MRPS9: variants seen among roughly 807,000 people sequenced by gnomAD.
MRPS9 encodes the protein mitochondrial ribosomal protein S9, also known as small ribosomal subunit protein uS9m.
In MRPS9, 45 loss-of-function variants were observed where a neutral mutation model predicts 59.9. The ratio of observed to expected loss-of-function variants is 0.75; its 90% CI spans 0.59 to 0.96. MRPS9 has a LOEUF of 0.96. MRPS9 is among the 40% of genes least tolerant of loss of function. The pLI, the probability that MRPS9 is intolerant of heterozygous loss-of-function variation, is 0.00. For synonymous variants in MRPS9, 171 were observed against 166.8 expected (o/e 1.03, Z -0.19); for missense variants, 473 against 481.1 (o/e 0.98, Z 0.16).
chr2:105,053,528 TA>T (rs1460538266), intron 2 of MRPS9, among the ~76,000 whole-genome samples: 2 of 151,696 alleles, frequency 1.3e-5, no homozygotes, highest in Non-Finnish European at 2.9e-5. Context: ...TTTCATATAT[TA>T]AAATATCTTT....
intron 2 of MRPS9, among the ~76,000 whole-genome samples, chr2:105,060,927 C>T (rs1433449429): frequency 2.6e-5 from 4 of 151,234 alleles, no homozygotes; most frequent in Non-Finnish European, 5.9e-5. Flanking sequence ...CTGGCTAACA[C>T]CGTGAAACCC....
intron 1 of MRPS9, among the ~76,000 whole-genome samples, chr2:105,047,364 T>C (rs982799116): frequency 2.0e-5 from 3 of 151,892 alleles, no homozygotes; most frequent in Middle Eastern, 3.4e-3. Flanking sequence ...TAAAAACATA[T>C]ATTTTTTTCA....
In MRPS9 at chr2:105,053,244, A is replaced by G. The variant is rs528057400; in HGVS notation, c.315+3894A>G. ...TGCTTGGATGTTTACCCAGAATATT[A>G]GTTTGGGATGTTAATATTATTTTCA... On this transcript the variant is annotated intron_variant, in intron 2 of 10. Coordinates refer to ENST00000258455, the MANE Select transcript of MRPS9 (RefSeq NM_182640.3). Among the ~76,000 whole-genome samples the G allele has an allele frequency of 1.4e-4, 22 of 152,296 alleles. 1 individual carries two copies. The highest frequency in any genetic ancestry group is 5.1e-4 in the African/African-American group (21 of 41,562).
At chr2:105,052,378 AT>A in intron 2 of MRPS9, among the ~76,000 whole-genome samples, 1 of 151,838 alleles carries the variant, frequency 6.6e-6, no homozygotes, top group East Asian at 1.9e-4. Flanking sequence ...ATGCTTTTCC[AT>A]TTTGATGATG....
At chr2:105,045,887 CAG>C (rs1679582762) in intron 1 of MRPS9, among the ~76,000 whole-genome samples, 2 of 151,976 alleles carry the variant, frequency 1.3e-5, no homozygotes, top group South Asian at 2.1e-4. Flanking sequence ...CTTTGGGAGA[CAG>C]AGTCTCCCTC....
intron 5 of MRPS9, 113 bp from the exon 6 acceptor site, chr2:105,088,868 TGAG>T: frequency 1.8e-6 from 1 of 543,122 alleles, no homozygotes; most frequent in South Asian, 4.6e-5. Flanking sequence ...CTTGATTCTC[TGAG>T]GAGGAGGACA....
intron 8 of MRPS9, 69 bp from the exon 9 acceptor site, chr2:105,093,461 T>C: frequency 1.2e-6 from 1 of 837,394 alleles, no homozygotes. Context: ...CAAATTTTAA[T>C]GTAGTTTTAC....
At chr2:105,079,614 TTCCCTTTTAAAAA>T (rs1196038399) in intron 4 of MRPS9, among the ~76,000 whole-genome samples, 21 of 152,360 alleles carry the variant, frequency 1.4e-4, no homozygotes, top group African/African-American at 4.8e-4. Flanking sequence ...TTTATCAGTT[TTCCCTTTTAAAAA>T]TATGGGAGGG....
chr2:105,077,244 C>CAAAA (rs56216293), intron 4 of MRPS9, among the ~76,000 whole-genome samples: 2 of 115,482 alleles, frequency 1.7e-5, no homozygotes, highest in African/African-American at 3.3e-5. Context: ...GACTCCATCT[C>CAAAA]AAAAAAAAAA....
At chr2:105,083,368 C>A (rs529101724) in intron 5 of MRPS9, among the ~76,000 whole-genome samples, 1 of 152,258 alleles carries the variant, frequency 6.6e-6, no homozygotes, top group South Asian at 2.1e-4. Flanking sequence ...GGGTTACCTC[C>A]TTTCCTGCAG....
chr2:105,077,014 C>T (rs1010134228), intron 4 of MRPS9, among the ~76,000 whole-genome samples: 34 of 151,996 alleles, frequency 2.2e-4, no homozygotes, highest in African/African-American at 6.3e-4. Context: ...TTTGGGAGGC[C>T]GAGGCAGGTG....
At chr2:105,046,622 C>T (rs760245168) in intron 1 of MRPS9, among the ~76,000 whole-genome samples, 71 of 151,394 alleles carry the variant, frequency 4.7e-4, no homozygotes, top group Middle Eastern at 3.4e-3. Context: ...TCTTGCTCCT[C>T]CTCTGGAATC....
chr2:105,091,305 A>G (rs1263597432), intron 7 of MRPS9: 6 of 470,990 alleles, frequency 1.3e-5, no homozygotes, highest in Admixed American at 9.4e-5. Flanking sequence ...AGTTCCACCC[A>G]TAGTGCCCCT....
intron 2 of MRPS9, among the ~76,000 whole-genome samples, chr2:105,056,648 A>G (rs1204396280): frequency 6.6e-6 from 1 of 152,196 alleles, no homozygotes; most frequent in Non-Finnish European, 1.5e-5. Flanking sequence ...GCAGTTCTTT[A>G]TAGGTCTTTT....
At chr2:105,065,870 G>A (rs1679989370) in intron 2 of MRPS9, among the ~76,000 whole-genome samples, 1 of 152,144 alleles carries the variant, frequency 6.6e-6, no homozygotes, top group South Asian at 2.1e-4. Flanking sequence ...GTAACTGAAA[G>A]TTAAGCAGAC....
intron 2 of MRPS9, among the ~76,000 whole-genome samples, chr2:105,058,151 G>A (rs13034411): frequency 1.1e-4 from 17 of 152,150 alleles, no homozygotes; most frequent in African/African-American, 1.4e-4. Context: ...GAACAGAGTC[G>A]TTAGGACAGG....
intron 10 of MRPS9, 68 bp downstream of exon 10, chr2:105,097,392 C>A: frequency 7.4e-7 from 1 of 1,352,382 alleles, no homozygotes; most frequent in South Asian, 2.1e-5. Flanking sequence ...GCTTCTTGTC[C>A]TAGTGCCTGA....
At chr2:105,038,369 G>T (rs530903113) in intron 1 of MRPS9, 142 bp downstream of exon 1, 8 of 1,128,088 alleles carry the variant, frequency 7.1e-6, no homozygotes, top group South Asian at 3.2e-5. Context: ...CTGAGGTTGG[G>T]GGGGAGGAGG....
chr2:105,039,004 A>G (rs1047085065), intron 1 of MRPS9, among the ~76,000 whole-genome samples: 8 of 152,152 alleles, frequency 5.3e-5, no homozygotes, highest in African/African-American at 1.7e-4. Flanking sequence ...AACAAATTAA[A>G]TTACCTAGGG....
Sources: allele counts gnomAD v4.1 joint callset (sites outside exome capture counted in the v4.1 genomes callset), GRCh38; gene constraint gnomAD v4.1.1; transcripts MANE v1.5; gene names NCBI Gene and HGNC (gene_info 2026-07-23, HGNC 2026-07-21).